Variants in CCT8 observed in about 807,000 individuals in gnomAD.
The protein encoded by CCT8 is T-complex protein 1 subunit theta.
In CCT8, 10 loss-of-function variants were observed where a neutral mutation model predicts 65.7. That is an observed-to-expected ratio of 0.15 (90% CI 0.09 to 0.26). CCT8 has a LOEUF of 0.26. Ranked by LOEUF, CCT8 falls within the 10% of genes least tolerant of loss-of-function variation. The probability of loss-of-function intolerance (pLI) is 1.00; values close to 1 mark genes in which losing one functional copy is unlikely to be tolerated. For synonymous variants in CCT8, 199 were observed against 221.8 expected, an observed-to-expected ratio of 0.90 and a Z score of 0.92; for missense variants, 568 against 669.1, an observed-to-expected ratio of 0.85 and a Z score of 1.67.
At position 29,062,639 on chromosome 21, in the gene CCT8, T is replaced by C. The variant is rs988106685; in HGVS notation, c.942-83A>G. ...AGTTCAAATTAAAGAGGAACCTGTATACCAGCCCCCATGTCACATTCCTTT... is the reference window on the plus strand; with the variant it reads ...AGTTCAAATTAAAGAGGAACCTGTACACCAGCCCCCATGTCACATTCCTTT... On this transcript the variant is annotated intron_variant, in intron 8 of 14. Coordinates refer to ENST00000286788, the MANE Select transcript of CCT8 (RefSeq NM_006585.4). 7.8e-6 allele frequency: 8 copies of C among 1,022,608 alleles called. No individual in the cohort carries two copies. The Admixed American group carries it at 1.1e-4, about 14-fold the overall frequency. The allele number at this position is 1,022,608 out of a possible 1,614,324, so 63.3% of individuals were successfully genotyped here.
chr21:29,061,344 G>A lies in CCT8; in HGVS notation c.1358C>T (p.Ala453Val), dbSNP rs745321163. ...EAFEAIPRAL[A>V]ENSGVKANEV... is the part of the protein sequence containing the mutation. ...ATTGGCCTTAACTCCAGAGTTTTCT[G>A]CCAGTGCGCGGGGAATAGCTTCAAA... Residue 453 changes from alanine to valine, a missense_variant, in exon 13 of 15, where the codon GCA becomes GTA. Coordinates refer to ENST00000286788, the MANE Select transcript of CCT8 (RefSeq NM_006585.4). The A allele has an allele frequency of 6.2e-7, 1 of 1,613,866 alleles. No individual in the cohort carries two copies. Among genetic ancestry groups the A allele is most frequent in the South Asian group, 1.1e-5 (1 of 91,064 alleles).
Position 29,063,393 on chromosome 21 carries a change from C to G in CCT8, c.900G>C (p.Met300Ile). 6.2e-7 allele frequency: 1 copy of G among 1,613,884 alleles called. No individual in the cohort carries two copies. The highest frequency in any genetic ancestry group is 8.5e-7 in the Non-Finnish European group (1 of 1,179,994). ...TATATTTATTTGCATAATGAAGAGC[C>G]ATGTCTGCCACTTTGCCACCTGTTA... ...VVVTGGKVAD[M>I]ALHYANKYNI... The change falls in exon 8 of 15, where the codon ATG (methionine) becomes ATC (isoleucine). Residue 300 changes from methionine to isoleucine, a missense_variant. Physicochemically the swap from Met to Ile is conservative, Grantham distance 10 (BLOSUM62 1). Coordinates refer to ENST00000286788, the MANE Select transcript of CCT8 (RefSeq NM_006585.4).
chr21:29,057,671 CAT>C (rs1037764827), intron 14 of CCT8, among the ~76,000 whole-genome samples: 19 of 145,980 alleles, frequency 1.3e-4, no homozygotes, highest in Middle Eastern at 7.2e-3. Context: ...ATATATGTAT[CAT>C]ATATACGATA....
chr21:29,073,162 C>G, intron 1 of CCT8: 1 of 677,258 alleles, frequency 1.5e-6, no homozygotes, highest in Non-Finnish European at 1.9e-6. Context: ...CGTCGCAGTT[C>G]TCAAGACAAT....
At chr21:29,070,925 G>A (rs950640625) in intron 1 of CCT8, among the ~76,000 whole-genome samples, 1 of 152,220 alleles carries the variant, frequency 6.6e-6, no homozygotes, top group East Asian at 1.9e-4. Context: ...ATGTGCCACT[G>A]AAGTGTTTAG....
At chr21:29,073,365 G>T (rs1028685658) in intron 1 of CCT8, 166 bp downstream of exon 1, 1 of 1,432,200 alleles carries the variant, frequency 7.0e-7, no homozygotes, top group African/African-American at 1.4e-5. Context: ...CGCAGGCTCC[G>T]GTGGCCGAGC....
intron 4 of CCT8, 107 bp from the exon 5 acceptor site, chr21:29,067,178 A>G (rs2085633510): frequency 2.5e-6 from 2 of 800,348 alleles, no homozygotes; most frequent in Non-Finnish European, 3.9e-6. Context: ...CAAAGAATAT[A>G]CTTCGGAATA....
intron 2 of CCT8, 31 bp downstream of exon 2, chr21:29,070,216 G>A (rs1422988797): frequency 4.5e-6 from 6 of 1,346,984 alleles, no homozygotes; most frequent in Non-Finnish European, 6.3e-6. Context: ...TTCTACTACT[G>A]TATCTTTACA....
At position 29,062,533 on chromosome 21, in the gene CCT8, C is replaced by T. The variant is rs760742565; in HGVS notation, c.965G>A (p.Arg322Gln). The change falls in exon 9 of 15, where the codon CGA becomes CAA. Residue 322 changes from arginine (R) to glutamine (Q), a missense_variant. By Grantham distance (43) the Arg-to-Gln change is conservative (BLOSUM62 1). Transcript: ENST00000286788. ...AGCACCAACAGTTTTACAAAGTCTT[C>T]GGAGATCCCATTTTGAGTTTAGCCT... is the stretch of plus-strand genomic sequence containing the variant. ...LVRLNSKWDL[R>Q]RLCKTVGATA... 4 of 1,613,800 alleles carry T rather than the reference C, an allele frequency of 2.5e-6. No individual in the cohort carries two copies. The highest frequency in any genetic ancestry group is 2.2e-5 in the East Asian group (1 of 44,866).
intron 1 of CCT8, among the ~76,000 whole-genome samples, chr21:29,072,826 C>T (rs550839689): frequency 6.6e-6 from 1 of 152,330 alleles, no homozygotes; most frequent in East Asian, 1.9e-4. Context: ...GGCCATTAAA[C>T]AAAAGTGTTA....
chr21:29,057,462 G>T (rs960446106), intron 14 of CCT8, among the ~76,000 whole-genome samples: 2 of 151,690 alleles, frequency 1.3e-5, no homozygotes, highest in Non-Finnish European at 2.9e-5. Context: ...ACTGCGCTCG[G>T]CTGGAAAACA....
At chr21:29,071,333 T>A (rs1448262384) in intron 1 of CCT8, among the ~76,000 whole-genome samples, 3 of 152,194 alleles carry the variant, frequency 2.0e-5, no homozygotes, top group Admixed American at 2.0e-4. Flanking sequence ...TACATAGTAC[T>A]GCTTTACAAT....
rs540229891 is a variant in CCT8, at chr21:29,060,568, A to G, written c.1542T>C (p.Ala514=). The part of the protein sequence containing the change: ...KYWAIKLATN[A]AVTVLRVDQI... Reference sequence around the variant, plus strand: ...GATCCACTCTAAGTACAGTGACTGCAGCATTAGTAGCGAGTTTGATAGCCC... The same window carrying G: ...GATCCACTCTAAGTACAGTGACTGCGGCATTAGTAGCGAGTTTGATAGCCC... The change falls in exon 14 of 15, where the codon GCT becomes GCC. Residue 514 remains alanine, a synonymous_variant. Transcript: ENST00000286788. 2.5e-6 allele frequency: 4 copies of G among 1,613,772 alleles called. No individual in the cohort carries two copies. Among genetic ancestry groups the G allele is most frequent in the East Asian group, 2.2e-5 (1 of 44,872 alleles).
intron 8 of CCT8, chr21:29,062,777 C>G (rs1601090683): frequency 1.7e-6 from 1 of 576,498 alleles, no homozygotes; most frequent in East Asian, 2.9e-5. Flanking sequence ...ACATCTTAAG[C>G]CTGTGTTGTA....
intron 14 of CCT8, chr21:29,059,637 A>G (rs2085541213): frequency 6.6e-6 from 1 of 152,240 alleles, no homozygotes; most frequent in Non-Finnish European, 1.5e-5. Flanking sequence ...ATATTCTTCC[A>G]TTGAAAATCA....
intron 8 of CCT8, 149 bp downstream of exon 8, chr21:29,063,203 C>T (rs145989778): frequency 3.2e-6 from 2 of 616,398 alleles, no homozygotes; most frequent in South Asian, 2.2e-5. Context: ...TGTTTCCTGA[C>T]CCCTCCCCAA....
At chr21:29,071,899 G>C in intron 1 of CCT8, 1 of 695,736 alleles carries the variant, frequency 1.4e-6, no homozygotes, top group Middle Eastern at 2.3e-4. Flanking sequence ...CCTTTTCAAG[G>C]AAACAAGGCC....
At chr21:29,062,748 C>A (rs1047984420) in intron 8 of CCT8, 192 bp from the exon 9 acceptor site, 23 of 601,300 alleles carry the variant, frequency 3.8e-5, no homozygotes, top group Non-Finnish European at 6.7e-5. Flanking sequence ...CTGAGTGAGT[C>A]CAGCTGGCCA....
chr21:29,068,348 T>C (rs2085646076), intron 3 of CCT8, among the ~76,000 whole-genome samples: 1 of 152,210 alleles, frequency 6.6e-6, no homozygotes, highest in South Asian at 2.1e-4. Context: ...ACTCCTGAGA[T>C]CATCAGTGTG....
Sources: allele counts gnomAD v4.1 joint callset (sites outside exome capture counted in the v4.1 genomes callset), GRCh38; gene constraint gnomAD v4.1.1; transcripts MANE v1.5; gene names NCBI Gene and HGNC (gene_info 2026-07-23, HGNC 2026-07-21).